Variants in MBD2 observed in about 807,000 individuals in gnomAD.
The protein encoded by MBD2 is methyl-CpG-binding domain protein 2.
MBD2 carries 9 observed loss-of-function variants against 39.3 expected under a neutral mutation model. That is an observed-to-expected ratio of 0.23 (90% CI 0.14 to 0.40). The LOEUF (loss-of-function observed/expected upper bound fraction) is 0.40. Among genes scored for constraint, MBD2 ranks in the 10% least tolerant of loss-of-function variants. MBD2 has a pLI of 1.00. For synonymous variants in MBD2, 233 were observed against 211.1 expected, an observed-to-expected ratio of 1.10 and a Z score of -0.90; for missense variants, 458 against 532.6, an observed-to-expected ratio of 0.86 and a Z score of 1.38.
rs954884910 is a variant in MBD2 at position 54,154,110 on chromosome 18, T to C, written c.*1214A>G. The C allele has an allele frequency of 6.6e-6, 1 of 152,218 alleles. No individual in the cohort carries two copies. Among genetic ancestry groups the C allele is most frequent in the African/African-American group, 2.4e-5 (1 of 41,448 alleles). The allele number at this position is 152,218 out of a possible 1,614,324, so 9.4% of individuals were successfully genotyped here. ...TTAAGAAATAAACACACCTTTTCTA[T>C]AGAATGATTTTACTTTTGCTCTGTC... On this transcript the variant is annotated 3_prime_UTR_variant, in exon 7 of 7. Transcript: ENST00000256429.
At chr18:54,193,572 CAGTA>C (rs1337238507) in intron 2 of MBD2, among the ~76,000 whole-genome samples, 1 of 151,980 alleles carries the variant, frequency 6.6e-6, no homozygotes, top group African/African-American at 2.4e-5. Flanking sequence ...CCTCTCTTTC[CAGTA>C]AGTATCTGAG....
At chr18:54,199,126 C>A (rs377517176) in intron 2 of MBD2, among the ~76,000 whole-genome samples, 10 of 152,070 alleles carry the variant, frequency 6.6e-5, no homozygotes, top group Non-Finnish European at 1.5e-4. Flanking sequence ...ATTACTTAAC[C>A]AAATAATAAT....
chr18:54,178,640 A>G (rs16957921), intron 3 of MBD2, among the ~76,000 whole-genome samples: 46,131 of 152,050 alleles, frequency 0.3, 8,180 homozygotes, highest in East Asian at 0.56. Flanking sequence ...AATCCATTAT[A>G]AAGAAATAAC....
At chr18:54,196,319 C>T (rs181359861) in intron 2 of MBD2, among the ~76,000 whole-genome samples, 1 of 152,248 alleles carries the variant, frequency 6.6e-6, no homozygotes, top group East Asian at 1.9e-4. Flanking sequence ...AAAAGGACTA[C>T]ACCTGTTCAC....
At chr18:54,158,292 C>T (rs1185350694) in intron 6 of MBD2, among the ~76,000 whole-genome samples, 1 of 151,398 alleles carries the variant, frequency 6.6e-6, no homozygotes, top group Non-Finnish European at 1.5e-5. Context: ...CTAATGGGAA[C>T]ACTTTTACCC....
chr18:54,177,966 A>T lies in MBD2; in HGVS notation c.840+10908T>A, dbSNP rs1308998582. On this transcript the variant is annotated intron_variant, in intron 3 of 6. Transcript: ENST00000256429. ...GGAATCCTCCTGCCTCAGCCACCCG[A>T]GTAACTGGAACTACAGGCCCACACC... Among the ~76,000 whole-genome samples the T allele has an allele frequency of 4.0e-5, 6 of 151,244 alleles. No homozygotes were observed. The South Asian group carries it at 6.3e-4, about 16-fold the overall frequency.
intron 2 of MBD2, among the ~76,000 whole-genome samples, chr18:54,201,652 G>A (rs2086408652): frequency 6.6e-6 from 1 of 152,078 alleles, no homozygotes; most frequent in South Asian, 2.1e-4. Flanking sequence ...CACGAGGTCA[G>A]GAGATCGAGA....
At chr18:54,163,551 C>T (rs2086110944) in intron 5 of MBD2, among the ~76,000 whole-genome samples, 1 of 152,050 alleles carries the variant, frequency 6.6e-6, no homozygotes, top group African/African-American at 2.4e-5. Flanking sequence ...TTTTGCTTTT[C>T]CTGTGCAATG....
chr18:54,215,791 G>A lies in MBD2; in HGVS notation c.542+8227C>T, dbSNP rs182903062. Among the ~76,000 whole-genome samples, 396 of 151,144 alleles carry A rather than the reference G, an allele frequency of 2.6e-3. 2 individuals carry two copies. Among genetic ancestry groups the A allele is most frequent in the African/African-American group, 9.2e-3 (379 of 41,186 alleles). ...TTAAAGGTGTGAGCCACCAAGCCCG[G>A]CCTTTTTTTTTTTGTTTGTTTGTTT... On this transcript the variant is annotated intron_variant, in intron 1 of 6. Coordinates refer to ENST00000256429, the MANE Select transcript of MBD2 (RefSeq NM_003927.5).
intron 5 of MBD2, among the ~76,000 whole-genome samples, chr18:54,162,533 A>T (rs2086104579): frequency 6.6e-6 from 1 of 152,234 alleles, no homozygotes; most frequent in Non-Finnish European, 1.5e-5. Context: ...ATCATCCAGA[A>T]TTGGCTTTGA....
At chr18:54,217,996 T>A (rs2086575460) in intron 1 of MBD2, among the ~76,000 whole-genome samples, 1 of 152,212 alleles carries the variant, frequency 6.6e-6, no homozygotes, top group East Asian at 1.9e-4. Flanking sequence ...GTCTTTCATT[T>A]CTGGGTGCAG....
intron 3 of MBD2, among the ~76,000 whole-genome samples, chr18:54,176,360 G>A (rs1024347205): frequency 6.6e-6 from 1 of 152,238 alleles, no homozygotes; most frequent in Non-Finnish European, 1.5e-5. Context: ...AATAAAATAT[G>A]AGAAAGTTCT....
chr18:54,189,468 C>T (rs956529088), intron 2 of MBD2, among the ~76,000 whole-genome samples: 5 of 152,202 alleles, frequency 3.3e-5, no homozygotes, highest in South Asian at 4.1e-4. Context: ...ATGATCCACC[C>T]GCCTCGGCCT....
chr18:54,198,212 G>A (rs74951515), intron 2 of MBD2, among the ~76,000 whole-genome samples: 5,951 of 152,204 alleles, frequency 0.039, 172 homozygotes, highest in Middle Eastern at 0.065. Context: ...AAGTACCTCA[G>A]GCAGAAATAA....
intron 3 of MBD2, among the ~76,000 whole-genome samples, chr18:54,171,830 A>G (rs1296802291): frequency 1.3e-5 from 2 of 152,256 alleles, no homozygotes; most frequent in Non-Finnish European, 2.9e-5. Context: ...TCCCATTTAC[A>G]GATAAAGAAA....
At chr18:54,169,048 C>T (rs2086159252) in intron 3 of MBD2, among the ~76,000 whole-genome samples, 1 of 152,234 alleles carries the variant, frequency 6.6e-6, no homozygotes, top group African/African-American at 2.4e-5. Context: ...TGATTCCACT[C>T]CTATGATACC....
In MBD2 at chr18:54,207,020, A is replaced by G. The variant is rs144808317; in HGVS notation, c.543-1863T>C. On this transcript the variant is annotated intron_variant, in intron 1 of 6. Coordinates refer to ENST00000256429, the MANE Select transcript of MBD2 (RefSeq NM_003927.5). ...TTTATTCTCCAAGCTAGAAGGCCAC[A>G]TCACAATCTTTCAGCGCCCCCATGT... Among the ~76,000 whole-genome samples, 69 of 152,316 alleles carry G rather than the reference A, an allele frequency of 4.5e-4. No individual in the cohort carries two copies. In the East Asian group the frequency reaches 0.013, roughly 29 times the overall value.
chr18:54,197,357 A>C (rs947583943), intron 2 of MBD2, among the ~76,000 whole-genome samples: 2 of 152,114 alleles, frequency 1.3e-5, no homozygotes, highest in Admixed American at 1.3e-4. Flanking sequence ...TGCCTACTTA[A>C]ACCTCACCTA....
chr18:54,197,906 C>T (rs546304453), intron 2 of MBD2, among the ~76,000 whole-genome samples: 2 of 152,332 alleles, frequency 1.3e-5, no homozygotes, highest in African/African-American at 2.4e-5. Context: ...TTATCACCTA[C>T]GACCTATTCG....
Sources: gnomAD v4.1 joint callset for allele counts (sites outside exome capture counted in the v4.1 genomes callset) on GRCh38, gnomAD v4.1.1 for gene constraint, MANE v1.5 for transcripts, NCBI Gene and HGNC (gene_info 2026-07-23, HGNC 2026-07-21) for gene names.